The following NAP1L4 variants were observed in gnomAD, a reference collection of about 807,000 sequenced individuals.
NAP1L4 encodes the protein nucleosome assembly protein 1-like 4.
NAP1L4 carries 15 observed loss-of-function variants against 58.2 expected under a neutral mutation model. The ratio of observed to expected loss-of-function variants is 0.26; its 90% CI spans 0.17 to 0.40. The LOEUF (loss-of-function observed/expected upper bound fraction) is 0.40, where lower values mean the gene tolerates loss of function less well. Ranked by LOEUF, NAP1L4 falls within the 10% of genes least tolerant of loss-of-function variation. NAP1L4 has a pLI of 1.00. For synonymous variants in NAP1L4, 171 were observed against 155.6 expected (o/e 1.10, Z -0.74); for missense variants, 384 against 451.1 (o/e 0.85, Z 1.35).
Position 2,971,972 on chromosome 11 carries a change from G to T in NAP1L4, c.315+130C>A. On this transcript the variant is annotated intron_variant, in intron 5 of 15. Coordinates refer to ENST00000380542, the MANE Select transcript of NAP1L4 (RefSeq NM_005969.4). This position sits in a 1 kb window ranked among gnomAD's most constrained non-coding sequence, Gnocchi z 4.2. ...TTCTGAGCTTGTTTAAGGTAGTCTA[G>T]ACTAAGCTATGTTTGGCAGGTTAGA... 1.1e-6 allele frequency: 1 copy of T among 950,568 alleles called. No homozygotes were observed. The highest frequency in any genetic ancestry group is 1.5e-6 in the Non-Finnish European group (1 of 671,184). 58.9% of individuals were successfully genotyped at this position (950,568 alleles called of 1,614,324 possible).
intron 1 of NAP1L4, among the ~76,000 whole-genome samples, chr11:2,989,440 CCTT>C (rs772912651): frequency 1.3e-5 from 2 of 152,180 alleles, no homozygotes; most frequent in Non-Finnish European, 2.9e-5. Context: ...ATTTAAATCA[CCTT>C]CTTGCCCACA....
At position 2,948,837 on chromosome 11, in the gene NAP1L4, T is replaced by A. The variant is rs1846073910; in HGVS notation, c.*32+390A>T. ...ACAGTGGGCCAATTTCAACTGCCAG[T>A]GTGTGTTCTGAGCACAGCTGGGACA... On this transcript the variant is annotated intron_variant, in intron 15 of 15. Transcript: ENST00000380542. This position sits in a 1 kb window ranked among gnomAD's most constrained non-coding sequence, Gnocchi z 5.1. Among the ~76,000 whole-genome samples the A allele has an allele frequency of 6.6e-6, 1 of 152,210 alleles. No homozygotes were observed. The highest frequency in any genetic ancestry group is 6.5e-5 in the Admixed American group (1 of 15,292).
chr11:2,988,841 C>T (rs1848798038), intron 1 of NAP1L4, among the ~76,000 whole-genome samples: 1 of 152,144 alleles, frequency 6.6e-6, no homozygotes, highest in Non-Finnish European at 1.5e-5. Flanking sequence ...AGTGATCTTT[C>T]GTTGTTTTCA....
rs1848155016 is a variant in NAP1L4 at position 2,979,223 on chromosome 11, G to A, written c.-3C>T. 6.2e-7 allele frequency: 1 copy of A among 1,610,860 alleles called. No individual in the cohort carries two copies. ...TTGGCTTACCTGTGATCTGCCATCT[G>A]AATGTTTTTATCCCCTATAAATTAA... is the stretch of plus-strand genomic sequence containing the variant. On this transcript the variant is annotated 5_prime_UTR_variant, in exon 2 of 16. Coordinates refer to ENST00000380542, the MANE Select transcript of NAP1L4 (RefSeq NM_005969.4).
intron 4 of NAP1L4, among the ~76,000 whole-genome samples, chr11:2,974,501 C>T (rs1190560399): frequency 6.6e-6 from 1 of 152,182 alleles, no homozygotes; most frequent in Non-Finnish European, 1.5e-5. Context: ...CTCAGTATCA[C>T]CCCATCCCAT....
intron 1 of NAP1L4, among the ~76,000 whole-genome samples, chr11:2,983,998 A>ATTT (rs1848476343): frequency 6.6e-6 from 1 of 151,416 alleles, no homozygotes; most frequent in Non-Finnish European, 1.5e-5. Flanking sequence ...CAAAAAGAAA[A>ATTT]AAAAAAAAAA....
intron 1 of NAP1L4, chr11:2,989,051 C>T (rs1480048377): frequency 1.3e-5 from 2 of 152,202 alleles, no homozygotes; most frequent in Admixed American, 1.3e-4. Context: ...TATCTACCTA[C>T]TGATAAGGGT....
intron 15 of NAP1L4, among the ~76,000 whole-genome samples, 189 bp from the exon 16 acceptor site, chr11:2,945,835 G>A (rs1206854751): frequency 6.6e-6 from 1 of 151,032 alleles, no homozygotes; most frequent in East Asian, 1.9e-4. Context: ...AGTCAAAGCA[G>A]GGTTTTTTTT....
chr11:2,964,692 AGGGTCAGAAAATTT>A lies in NAP1L4; in HGVS notation c.580_593del (p.Lys194TrpfsTer13). The A allele has an allele frequency of 6.2e-7, 1 of 1,613,864 alleles. No homozygotes were observed. Among genetic ancestry groups the A allele is most frequent in the South Asian group, 1.1e-5 (1 of 91,048 alleles). On this transcript the variant is annotated frameshift_variant, in exon 8 of 16. Transcript: ENST00000380542. LOFTEE classifies it high-confidence loss of function. The stretch of plus-strand genomic sequence containing the variant: ...AGTCAGTACTCACCATAGGCTGTCC[AGGGTCAGAAAATTT>A]CACTTTAATATCCTGCAGGTGTTTC...
rs202073858 is a variant in NAP1L4, at chr11:2,972,126, C to G, written c.291G>C (p.Ala97=). ...CCTTGTCAAAGAGAGGCTGGTATAG[C>G]GCTGCATACTTTCTTTCCAAGTCAT... is the stretch of plus-strand genomic sequence containing the variant. ...EVHDLERKYA[A]LYQPLFDKRR... Residue 97 remains alanine (A), a synonymous_variant, in exon 5 of 16, where the codon GCG becomes GCC. Transcript: ENST00000380542. 7 of 1,594,992 alleles carry G rather than the reference C, an allele frequency of 4.4e-6. No homozygotes were observed. The highest frequency in any genetic ancestry group is 1.4e-5 in the African/African-American group (1 of 73,608).
At chr11:2,976,281 T>C (rs1333181094) in intron 3 of NAP1L4, among the ~76,000 whole-genome samples, 158 bp from the exon 4 acceptor site, 1 of 152,212 alleles carries the variant, frequency 6.6e-6, no homozygotes, top group African/African-American at 2.4e-5. Context: ...GTTTTGAAAA[T>C]AATTAAAATT....
At chr11:2,966,123 T>C (rs926897693) in intron 7 of NAP1L4, among the ~76,000 whole-genome samples, 2 of 152,236 alleles carry the variant, frequency 1.3e-5, no homozygotes, top group Non-Finnish European at 2.9e-5. Context: ...GTCTGGGCAC[T>C]GAATCTCAAA....
intron 7 of NAP1L4, among the ~76,000 whole-genome samples, chr11:2,967,632 T>C (rs1427611846): frequency 6.8e-6 from 1 of 147,776 alleles, no homozygotes; most frequent in South Asian, 2.1e-4. Context: ...AAAGAAAATA[T>C]TGTTAAAAAA....
intron 1 of NAP1L4, among the ~76,000 whole-genome samples, chr11:2,982,319 A>G (rs937697822): frequency 2.0e-5 from 3 of 152,218 alleles, no homozygotes; most frequent in Non-Finnish European, 2.9e-5. Context: ...TGCCTAAGAA[A>G]TGTATCTCAT....
chr11:2,954,310 T>G lies in NAP1L4; in HGVS notation c.1035+217A>C. The stretch of plus-strand genomic sequence containing the variant: ...GGAAACTGGCAATCACCTCTGAAAC[T>G]GCTTCACAGACACCTGCTTTTCCTG... On this transcript the variant is annotated intron_variant, in intron 12 of 15. Coordinates refer to ENST00000380542, the MANE Select transcript of NAP1L4 (RefSeq NM_005969.4). This position sits in a 1 kb window ranked among gnomAD's most constrained non-coding sequence, Gnocchi z 4.8. 1.5e-6 allele frequency: 1 copy of G among 675,114 alleles called. No homozygotes were observed. Among genetic ancestry groups the G allele is most frequent in the Non-Finnish European group, 2.5e-6 (1 of 392,346 alleles). The allele number at this position is 675,114 out of a possible 1,614,324, so 41.8% of individuals were successfully genotyped here.
chr11:2,963,822 C>A (rs764058606), intron 8 of NAP1L4: 1 of 519,158 alleles, frequency 1.9e-6, no homozygotes. Flanking sequence ...AGTCATGTGT[C>A]GCTGGAAATG....
At chr11:2,973,625 C>T (rs1268808027) in intron 4 of NAP1L4, among the ~76,000 whole-genome samples, 1 of 152,134 alleles carries the variant, frequency 6.6e-6, no homozygotes, top group African/African-American at 2.4e-5. Context: ...AGCTAAAGGT[C>T]CTTAGTTTAA....
At chr11:2,958,285 G>T in intron 10 of NAP1L4, 114 bp downstream of exon 10, 2 of 1,115,476 alleles carry the variant, frequency 1.8e-6, no homozygotes, top group South Asian at 1.3e-5. Flanking sequence ...TGCCCCTACT[G>T]ACCACACTTG....
At chr11:2,984,875 A>G (rs1044146399) in intron 1 of NAP1L4, among the ~76,000 whole-genome samples, 1 of 151,784 alleles carries the variant, frequency 6.6e-6, no homozygotes, top group African/African-American at 2.4e-5. Context: ...GAAACCAACA[A>G]ATCAAGTTAC....
Sources: allele counts gnomAD v4.1 joint callset (sites outside exome capture counted in the v4.1 genomes callset), GRCh38; gene constraint gnomAD v4.1.1; non-coding constraint Gnocchi (gnomAD v3.1); transcripts MANE v1.5; gene names NCBI Gene and HGNC (gene_info 2026-07-23, HGNC 2026-07-21).